JDP2: variants seen among roughly 807,000 people sequenced by gnomAD.
The protein encoded by JDP2 is progesterone receptor co-activator.
JDP2 carries 9 observed loss-of-function variants against 17.1 expected under a neutral mutation model. The ratio of observed to expected loss-of-function variants is 0.53; its 90% CI spans 0.32 to 0.92. The LOEUF is 0.92. Among genes scored for constraint, JDP2 ranks in the 40% least tolerant of loss-of-function variants. The probability of loss-of-function intolerance (pLI) is 0.04; values close to 1 mark genes in which losing one functional copy is unlikely to be tolerated. For missense variants in JDP2, 179 were observed against 220.0 expected (o/e 0.81, Z 1.18); for synonymous variants, 107 against 95.6 (o/e 1.12, Z -0.69).
intron 2 of JDP2, among the ~76,000 whole-genome samples, chr14:75,452,864 T>C (rs1040803128): frequency 3.3e-5 from 5 of 152,176 alleles, no homozygotes; most frequent in African/African-American, 7.2e-5. Flanking sequence ...CCTAAAGCCC[T>C]GCCCGCTGTT....
chr14:75,432,392 C>T, intron 1 of JDP2: 2 of 1,500,234 alleles, frequency 1.3e-6, no homozygotes, highest in Admixed American at 2.0e-5. Flanking sequence ...CTGTGGACTC[C>T]TGCCCTCCGC....
At chr14:75,450,984 A>G (rs1010832994) in intron 2 of JDP2, among the ~76,000 whole-genome samples, 1 of 152,094 alleles carries the variant, frequency 6.6e-6, no homozygotes, top group Non-Finnish European at 1.5e-5. Context: ...GAGACATGAG[A>G]AGTAAGCCAA....
At chr14:75,457,085 C>T (rs916596606) in intron 2 of JDP2, among the ~76,000 whole-genome samples, 10 of 152,198 alleles carry the variant, frequency 6.6e-5, no homozygotes, top group Admixed American at 3.9e-4. Flanking sequence ...ACCCTCAGCC[C>T]GCATCTCATG....
At chr14:75,444,248 A>G (rs1885490856) in intron 2 of JDP2, among the ~76,000 whole-genome samples, 1 of 152,242 alleles carries the variant, frequency 6.6e-6, no homozygotes, top group Admixed American at 6.5e-5. Flanking sequence ...AAGGTTTCAC[A>G]TGATGCCTGG....
chr14:75,431,233 T>C (rs1884782779), intron 1 of JDP2, among the ~76,000 whole-genome samples: 1 of 152,216 alleles, frequency 6.6e-6, no homozygotes, highest in Admixed American at 6.5e-5. Context: ...CAGAGATAAC[T>C]TCATATGTAT....
At chr14:75,452,950 CG>C (rs543712274) in intron 2 of JDP2, among the ~76,000 whole-genome samples, 79 of 152,324 alleles carry the variant, frequency 5.2e-4, no homozygotes, top group African/African-American at 1.8e-3. Flanking sequence ...CAAGAGATGA[CG>C]GGAGAGACAG....
intron 2 of JDP2, among the ~76,000 whole-genome samples, chr14:75,453,693 A>G (rs1290087347): frequency 6.6e-6 from 1 of 152,236 alleles, no homozygotes; most frequent in Non-Finnish European, 1.5e-5. Flanking sequence ...AGGAGCACAC[A>G]GCTGGTCTAC....
intron 3 of JDP2, 104 bp from the exon 4 acceptor site, chr14:75,469,186 A>T: frequency 9.7e-7 from 1 of 1,032,372 alleles, no homozygotes; most frequent in Non-Finnish European, 1.4e-6. Flanking sequence ...TGCAGAAAAC[A>T]GGCCAGTGCC....
In JDP2 at chr14:75,469,843, C is replaced by T. The variant is rs576437056; in HGVS notation, c.*368C>T. The T allele has an allele frequency of 1.7e-5, 3 of 178,760 alleles. No individual in the cohort carries two copies. The highest frequency in any genetic ancestry group is 1.7e-4 in the South Asian group (1 of 5,894). 11.1% of individuals were successfully genotyped at this position (178,760 alleles called of 1,614,324 possible). Reference sequence around the variant, plus strand: ...CCAGGGCACCCATCCAAGGAACCTCCGAACAGCCAGGAAAAGCCATGAGTT... The same window carrying T: ...CCAGGGCACCCATCCAAGGAACCTCTGAACAGCCAGGAAAAGCCATGAGTT... On this transcript the variant is annotated 3_prime_UTR_variant, in exon 4 of 4. Transcript: ENST00000651602.
intron 2 of JDP2, among the ~76,000 whole-genome samples, chr14:75,444,281 A>T (rs1331625139): frequency 1.3e-5 from 2 of 152,250 alleles, no homozygotes; most frequent in Non-Finnish European, 2.9e-5. Flanking sequence ...CACAGATATA[A>T]GGTAGGCTTG....
In JDP2 at chr14:75,469,394, C is replaced by T. The variant is rs1886715295; in HGVS notation, c.411C>T (p.Pro137=). The change falls in exon 4 of 4, where the codon CCC becomes CCT. Residue 137 remains proline, a synonymous_variant. Transcript: ENST00000651602. ...QLILMLNRHR[P]TCIVRTDSVK... Reference sequence around the variant, plus strand: ...TCCTGATGCTGAACCGACACCGCCCCACCTGCATCGTCCGGACCGACAGTG... The same window carrying T: ...TCCTGATGCTGAACCGACACCGCCCTACCTGCATCGTCCGGACCGACAGTG... 4 of 1,614,058 alleles carry T rather than the reference C, an allele frequency of 2.5e-6. No homozygotes were observed. Among genetic ancestry groups the T allele is most frequent in the Non-Finnish European group, 3.4e-6 (4 of 1,180,042 alleles).
At chr14:75,443,084 C>G (rs1885429288) in intron 2 of JDP2, among the ~76,000 whole-genome samples, 1 of 152,058 alleles carries the variant, frequency 6.6e-6, no homozygotes, top group Non-Finnish European at 1.5e-5. Context: ...TCCAGGGTCC[C>G]TGGAGAACAT....
At chr14:75,444,325 G>C (rs970876907) in intron 2 of JDP2, among the ~76,000 whole-genome samples, 7 of 152,188 alleles carry the variant, frequency 4.6e-5, no homozygotes, top group Non-Finnish European at 8.8e-5. Flanking sequence ...ATCGTGCAAA[G>C]TAGTTTTTAT....
At chr14:75,460,901 T>G (rs1456942699) in intron 2 of JDP2, among the ~76,000 whole-genome samples, 2 of 152,136 alleles carry the variant, frequency 1.3e-5, no homozygotes, top group Non-Finnish European at 2.9e-5. Flanking sequence ...GAAAAGAAAT[T>G]TATTTCTCAC....
chr14:75,458,538 A>G (rs1261182659), intron 2 of JDP2, among the ~76,000 whole-genome samples: 1 of 152,150 alleles, frequency 6.6e-6, no homozygotes, highest in Non-Finnish European at 1.5e-5. Flanking sequence ...CTATTGTGTA[A>G]TATGTACCAC....
rs888766875 is a variant in JDP2 at position 75,432,214 on chromosome 14, T to G, written c.-24+3962T>G. The G allele has an allele frequency of 1.1e-5, 11 of 1,036,124 alleles. 1 individual carries two copies. In the South Asian group the frequency reaches 1.3e-4, roughly 12 times the overall value. 64.2% of individuals were successfully genotyped at this position (1,036,124 alleles called of 1,614,324 possible). On this transcript the variant is annotated intron_variant, in intron 1 of 3. Coordinates refer to ENST00000651602, the MANE Select transcript of JDP2 (RefSeq NM_001135048.2). ...CATCTTGCTTCTCGCCTTCTGGATC[T>G]CCTCGACTTTTGGAAGCCGCGTGAC...
At chr14:75,448,340 A>C (rs1040315970) in intron 2 of JDP2, among the ~76,000 whole-genome samples, 22 of 152,072 alleles carry the variant, frequency 1.4e-4, no homozygotes, top group African/African-American at 4.8e-4. Flanking sequence ...ACTGAAGCAC[A>C]CTCTCTGAAG....
intron 3 of JDP2, among the ~76,000 whole-genome samples, chr14:75,464,216 G>A (rs1886468113): frequency 6.6e-6 from 1 of 152,058 alleles, no homozygotes; most frequent in South Asian, 2.1e-4. Flanking sequence ...CAGACCTGGG[G>A]GATTCTCTTG....
chr14:75,432,099 C>T (rs557964897), intron 1 of JDP2: 3 of 580,342 alleles, frequency 5.2e-6, no homozygotes, highest in South Asian at 4.2e-5. Context: ...CTTAACCCCC[C>T]CTTCCTCTTG....
Sources: allele counts gnomAD v4.1 joint callset (sites outside exome capture counted in the v4.1 genomes callset), GRCh38; gene constraint gnomAD v4.1.1; transcripts MANE v1.5; gene names NCBI Gene and HGNC (gene_info 2026-07-23, HGNC 2026-07-21).